The following RC3H2 variants were observed in gnomAD, a reference collection of about 807,000 sequenced individuals.
RC3H2 encodes the protein roquin-2.
A neutral mutation model predicts 133.3 loss-of-function variants in RC3H2; 31 were observed. That is an observed-to-expected ratio of 0.23 (90% CI 0.17 to 0.31). The LOEUF is 0.31. RC3H2 is among the 10% of genes least tolerant of loss of function. The pLI is 1.00. For missense variants in RC3H2, 1,175 were observed against 1,437.2 expected (o/e 0.82, Z 2.95); for synonymous variants, 517 against 502.2 (o/e 1.03, Z -0.40).
chr9:122,889,305 A>G (rs185633195), intron 4 of RC3H2, among the ~76,000 whole-genome samples: 1 of 152,260 alleles, frequency 6.6e-6, no homozygotes, highest in African/African-American at 2.4e-5. Flanking sequence ...GGTTATAAAG[A>G]AATATATTCT....
chr9:122,864,411 C>T (rs1830562322), intron 10 of RC3H2, among the ~76,000 whole-genome samples: 1 of 152,126 alleles, frequency 6.6e-6, no homozygotes, highest in Admixed American at 6.5e-5. Flanking sequence ...TTACTGAGTG[C>T]TTACTATCTG....
intron 10 of RC3H2, among the ~76,000 whole-genome samples, chr9:122,861,186 C>A (rs1264875820): frequency 6.6e-6 from 1 of 152,008 alleles, no homozygotes; most frequent in Non-Finnish European, 1.5e-5. Flanking sequence ...GCTTTCTTAA[C>A]TCCTTTTAAG....
intron 1 of RC3H2, chr9:122,898,041 T>C (rs1431612960): frequency 6.6e-6 from 1 of 152,444 alleles, no homozygotes; most frequent in Non-Finnish European, 1.5e-5. Context: ...CCAAACAATA[T>C]TGTAGAGACT....
intron 1 of RC3H2, among the ~76,000 whole-genome samples, chr9:122,903,131 G>C (rs1448927829): frequency 1.3e-5 from 2 of 152,102 alleles, no homozygotes; most frequent in Non-Finnish European, 2.9e-5. Context: ...GTAATACTTA[G>C]AACTTTTATC....
In RC3H2 at chr9:122,890,655, G is replaced by GT; in HGVS notation, c.350-111dup. On this transcript the variant is annotated intron_variant, in intron 3 of 20. Transcript: ENST00000357244. ...AGCCACAATTCCTAATGAGTCCCTT[G>GT]TAATGTGCTTTCATTTTTCTAACAG... is the stretch of plus-strand genomic sequence containing the variant. The GT allele has an allele frequency of 4.1e-6, 3 of 733,266 alleles. No individual in the cohort carries two copies. The Admixed American group carries it at 8.7e-5, about 21-fold the overall frequency. 45.4% of individuals were successfully genotyped at this position (733,266 alleles called of 1,614,324 possible). A position where few individuals can be genotyped will look rare whatever the true frequency, so the allele number is the denominator to read the frequency against.
rs1829883870 is a variant in RC3H2, at chr9:122,846,970, G to A, written c.*2657C>T. ...AGAAGGTGACCACTACATAGAGAAT[G>A]GATGCAACACAGAATAATCTCAACA... On this transcript the variant is annotated 3_prime_UTR_variant, in exon 21 of 21. Transcript: ENST00000357244. 1 of 152,092 alleles carries A rather than the reference G, an allele frequency of 6.6e-6. No individual in the cohort carries two copies. The highest frequency in any genetic ancestry group is 6.6e-5 in the Admixed American group (1 of 15,262). The allele number at this position is 152,092 out of a possible 1,614,324, so 9.4% of individuals were successfully genotyped here.
At chr9:122,859,251 G>GTTTTTTT (rs1564287865) in intron 11 of RC3H2, 149 bp from the exon 12 acceptor site, 5 of 307,342 alleles carry the variant, frequency 1.6e-5, no homozygotes, top group Admixed American at 1.1e-4. Flanking sequence ...TTATACCCTG[G>GTTTTTTT]CTTTTTTTTT....
Position 122,855,835 on chromosome 9 carries a change from A to G in RC3H2, c.2498T>C (p.Leu833Pro). 6.2e-7 allele frequency: 1 copy of G among 1,613,800 alleles called. No homozygotes were observed. The highest frequency in any genetic ancestry group is 8.5e-7 in the Non-Finnish European group (1 of 1,179,778). The change falls in exon 14 of 21, where the codon CTT becomes CCT. Residue 833 changes from leucine (L) to proline (P), a missense_variant. Leu to Pro is a moderately conservative substitution (Grantham distance 98). Around this residue, in one of 8 missense-constraint regions of RC3H2, gnomAD observed 490 missense variants for 492.8 expected, o/e 0.99. Coordinates refer to ENST00000357244, the MANE Select transcript of RC3H2 (RefSeq NM_001100588.3). The stretch of plus-strand genomic sequence containing the variant: ...ACAAGACCAGGGAGAATAATGGGAA[A>G]GATGATCTTCTTCAAATTTTGTACC... ...VSGTKFEEDH[L>P]SHYSPWSCGT...
rs10608695 is a variant in RC3H2 at position 122,859,252 on chromosome 9, C to CTTTTTTTTTTTTTTTTT, written c.1850-167_1850-151dup. Reference sequence around the variant, plus strand: ...TGCTTTATAAAGCTTTATACCCTGGCTTTTTTTTTTTTTTTTTTTTTTGGT... The same window carrying CTTTTTTTTTTTTTTTTT: ...TGCTTTATAAAGCTTTATACCCTGGCTTTTTTTTTTTTTTTTTTTTTTTTTTTTTTTTTTTTTTTGGT... On this transcript the variant is annotated intron_variant, in intron 11 of 20. Transcript: ENST00000357244. 122 of 190,828 alleles carry CTTTTTTTTTTTTTTTTT rather than the reference C, an allele frequency of 6.4e-4. 15 individuals are homozygous for CTTTTTTTTTTTTTTTTT. Among genetic ancestry groups the CTTTTTTTTTTTTTTTTT allele is most frequent in the East Asian group, 5.5e-3 (19 of 3,460 alleles). 11.8% of individuals were successfully genotyped at this position (190,828 alleles called of 1,614,324 possible).
chr9:122,851,045 T>G (rs1473871585), intron 20 of RC3H2, 36 bp downstream of exon 20: 1 of 1,611,478 alleles, frequency 6.2e-7, no homozygotes, highest in Non-Finnish European at 8.5e-7. Flanking sequence ...TTATGTCCTA[T>G]GCCCACTGTT....
intron 1 of RC3H2, among the ~76,000 whole-genome samples, chr9:122,903,197 G>A (rs1462465433): frequency 2.6e-5 from 4 of 152,184 alleles, no homozygotes; most frequent in Admixed American, 6.5e-5. Flanking sequence ...AATTAGAGAC[G>A]CTGATCATAA....
intron 4 of RC3H2, among the ~76,000 whole-genome samples, chr9:122,887,747 T>C (rs1831984350): frequency 6.7e-6 from 1 of 149,800 alleles, no homozygotes; most frequent in Admixed American, 6.6e-5. Flanking sequence ...GTATCTTTTT[T>C]TTTTTTTTTT....
At chr9:122,888,023 G>T (rs1041430204) in intron 4 of RC3H2, among the ~76,000 whole-genome samples, 10 of 152,076 alleles carry the variant, frequency 6.6e-5, no homozygotes, top group African/African-American at 1.9e-4. Flanking sequence ...GGGATTACAG[G>T]CGTGAGCCAC....
At chr9:122,904,591 T>C (rs1459617611) in intron 1 of RC3H2, among the ~76,000 whole-genome samples, 2 of 152,200 alleles carry the variant, frequency 1.3e-5, no homozygotes, top group African/African-American at 4.8e-5. Context: ...ACAACCCCTG[T>C]GCAACCACTC....
chr9:122,880,209 T>A (rs370547104), intron 6 of RC3H2, 84 bp from the exon 7 acceptor site: 2 of 1,438,272 alleles, frequency 1.4e-6, no homozygotes, highest in East Asian at 4.5e-5. Context: ...TCAACATATT[T>A]AATACGTTTT....
intron 9 of RC3H2, among the ~76,000 whole-genome samples, chr9:122,868,906 TTTTTTTTG>T: frequency 7.8e-6 from 1 of 128,888 alleles, no homozygotes; most frequent in African/African-American, 3.1e-5. Flanking sequence ...TTTTTTTTTT[TTTTTTTTG>T]TGGGGGGGTT....
At chr9:122,871,076 G>A (rs998078974) in intron 9 of RC3H2, among the ~76,000 whole-genome samples, 8 of 152,128 alleles carry the variant, frequency 5.3e-5, no homozygotes, top group African/African-American at 1.9e-4. Context: ...GAAAGCAGAG[G>A]AGAATAATTT....
Position 122,847,581 on chromosome 9 carries a change from T to C in RC3H2, c.*2046A>G, listed in dbSNP as rs1385370695. The C allele has an allele frequency of 2.0e-5, 3 of 152,166 alleles. No homozygotes were observed. The highest frequency in any genetic ancestry group is 4.4e-5 in the Non-Finnish European group (3 of 67,986). The allele number at this position is 152,166 out of a possible 1,614,324, so 9.4% of individuals were successfully genotyped here. The stretch of plus-strand genomic sequence containing the variant: ...TTCAAATGTAATAAGCACATATTTA[T>C]AGAAAGGTTCTGATATAAATTATAT... On this transcript the variant is annotated 3_prime_UTR_variant, in exon 21 of 21. Transcript: ENST00000357244.
At chr9:122,893,086 T>C (rs1832257787) in intron 2 of RC3H2, 60 bp from the exon 3 acceptor site, 1 of 1,562,860 alleles carries the variant, frequency 6.4e-7, no homozygotes, top group African/African-American at 1.4e-5. Context: ...ATGCAACTAT[T>C]ATTTATGTAC....
Sources: gnomAD v4.1 joint callset for allele counts (sites outside exome capture counted in the v4.1 genomes callset) on GRCh38, gnomAD v4.1.1 for gene constraint, gnomAD v4.1.1 regional missense constraint, MANE v1.5 for transcripts, NCBI Gene and HGNC (gene_info 2026-07-23, HGNC 2026-07-21) for gene names.